The following RETREG1 variants were observed in gnomAD, a reference collection of about 807,000 sequenced individuals.
RETREG1 encodes reticulophagy regulator 1.
A neutral mutation model predicts 54.8 loss-of-function variants in RETREG1; 44 were observed. That is an observed-to-expected ratio of 0.80 (90% CI 0.63 to 1.03). The LOEUF is 1.03. RETREG1 is among the 50% of genes least tolerant of loss of function. RETREG1 has a pLI of 0.00. For missense variants in RETREG1, 554 were observed against 605.1 expected (o/e 0.92, Z 0.89); for synonymous variants, 217 against 238.5 (o/e 0.91, Z 0.83).
At chr5:16,592,782 C>G (rs1269950239) in intron 1 of RETREG1, among the ~76,000 whole-genome samples, 1 of 151,932 alleles carries the variant, frequency 6.6e-6, no homozygotes, top group African/African-American at 2.4e-5. Context: ...CCTTGGCAAA[C>G]TAACGCAGGA....
At chr5:16,503,678 AG>A (rs1230456527) in intron 3 of RETREG1, among the ~76,000 whole-genome samples, 2,235 of 103,240 alleles carry the variant, frequency 0.022, 54 homozygotes, top group African/African-American at 0.07. Context: ...AAAAAAAAAA[AG>A]AAAGAAAGAA....
intron 3 of RETREG1, among the ~76,000 whole-genome samples, chr5:16,550,275 TA>T (rs5866190): frequency 0.38 from 55,989 of 148,190 alleles, 10,577 homozygotes; most frequent in South Asian, 0.47. Context: ...CTTTAAAATT[TA>T]AAAAAAAAAA....
chr5:16,509,022 C>CT, intron 3 of RETREG1: 2 of 994,422 alleles, frequency 2.0e-6, no homozygotes, highest in Non-Finnish European at 2.4e-6. Context: ...CCCGCCTGCC[C>CT]TTTTTCTTCC....
At chr5:16,501,529 A>AT (rs144194229) in intron 3 of RETREG1, among the ~76,000 whole-genome samples, 40,192 of 151,920 alleles carry the variant, frequency 0.26, 5,624 homozygotes, top group Middle Eastern at 0.33. Flanking sequence ...ATTTTTATTT[A>AT]TTTTTTTATT....
chr5:16,565,964 C>T (rs1741996259), intron 2 of RETREG1, among the ~76,000 whole-genome samples, 171 bp from the exon 3 acceptor site: 2 of 152,202 alleles, frequency 1.3e-5, no homozygotes, highest in South Asian at 4.1e-4. Context: ...CTAATTCAGG[C>T]AATTCGTCCA....
chr5:16,587,448 C>G (rs1310323229), intron 1 of RETREG1, among the ~76,000 whole-genome samples: 1 of 152,200 alleles, frequency 6.6e-6, no homozygotes, highest in Non-Finnish European at 1.5e-5. Flanking sequence ...ATTTAAACAT[C>G]ATTTGTAGAG....
At chr5:16,600,605 G>A (rs1743027824) in intron 1 of RETREG1, among the ~76,000 whole-genome samples, 3 of 152,152 alleles carry the variant, frequency 2.0e-5, no homozygotes, top group Admixed American at 2.0e-4. Flanking sequence ...GCCCCCACAG[G>A]AGAGGTCAGC....
intron 1 of RETREG1, among the ~76,000 whole-genome samples, chr5:16,587,477 TA>T (rs1209337425): frequency 6.6e-6 from 1 of 152,190 alleles, no homozygotes. Context: ...CATCCTGCTT[TA>T]ATAAACCAAT....
intron 3 of RETREG1, among the ~76,000 whole-genome samples, chr5:16,557,421 T>C (rs1741739217): frequency 6.6e-6 from 1 of 152,248 alleles, no homozygotes; most frequent in African/African-American, 2.4e-5. Flanking sequence ...TTCATATTTG[T>C]CTTCAGTGGA....
intron 3 of RETREG1, among the ~76,000 whole-genome samples, chr5:16,490,727 G>T (rs1420608190): frequency 6.6e-6 from 1 of 152,164 alleles, no homozygotes; most frequent in Non-Finnish European, 1.5e-5. Context: ...GGGAAGTAAT[G>T]CATAGAACTG....
chr5:16,538,314 T>C (rs999477002), intron 3 of RETREG1, among the ~76,000 whole-genome samples: 6 of 152,206 alleles, frequency 3.9e-5, no homozygotes, highest in African/African-American at 1.2e-4. Context: ...GATTAGTCCT[T>C]GCTCCTGGCT....
At chr5:16,523,881 T>A (rs1417250583) in intron 3 of RETREG1, among the ~76,000 whole-genome samples, 4 of 152,208 alleles carry the variant, frequency 2.6e-5, no homozygotes, top group African/African-American at 7.2e-5. Flanking sequence ...GTGATTTTGA[T>A]GTTCACGTTT....
chr5:16,504,726 G>A (rs1159473182), intron 3 of RETREG1, among the ~76,000 whole-genome samples: 1 of 152,042 alleles, frequency 6.6e-6, no homozygotes, highest in Non-Finnish European at 1.5e-5. Flanking sequence ...CTCACTTCAC[G>A]GCTGTGTGAA....
At chr5:16,508,670 T>C in intron 3 of RETREG1, 1 of 1,612,970 alleles carries the variant, frequency 6.2e-7, no homozygotes, top group Non-Finnish European at 8.5e-7. Flanking sequence ...TAACCACGGC[T>C]AATGTGGCCA....
intron 1 of RETREG1, among the ~76,000 whole-genome samples, chr5:16,614,354 T>C (rs531948435): frequency 6.6e-6 from 1 of 152,058 alleles, no homozygotes; most frequent in Non-Finnish European, 1.5e-5. Context: ...CTTGAAAAAA[T>C]AGACAAAGGT....
chr5:16,602,108 C>T (rs534472144), intron 1 of RETREG1, among the ~76,000 whole-genome samples: 4 of 152,284 alleles, frequency 2.6e-5, no homozygotes, highest in Admixed American at 1.3e-4. Context: ...ACCTAGAGAA[C>T]GTGCTCTCCC....
chr5:16,564,264 T>C (rs899008333), intron 3 of RETREG1, among the ~76,000 whole-genome samples: 3 of 152,240 alleles, frequency 2.0e-5, no homozygotes, highest in Non-Finnish European at 4.4e-5. Context: ...GAACAAACTA[T>C]GTATGAAATT....
At chr5:16,564,681 C>T (rs1371024033) in intron 3 of RETREG1, among the ~76,000 whole-genome samples, 1 of 152,200 alleles carries the variant, frequency 6.6e-6, no homozygotes, top group Non-Finnish European at 1.5e-5. Flanking sequence ...GCCACCTCCA[C>T]GAGAAGCACC....
At chr5:16,503,953 C>A (rs2126555901) in intron 3 of RETREG1, among the ~76,000 whole-genome samples, 1 of 152,150 alleles carries the variant, frequency 6.6e-6, no homozygotes, top group East Asian at 1.9e-4. Context: ...AGGTTTGTTA[C>A]ATAGGTAAAG....
Sources: allele counts gnomAD v4.1 joint callset (sites outside exome capture counted in the v4.1 genomes callset), GRCh38; gene constraint gnomAD v4.1.1; transcripts MANE v1.5; gene names NCBI Gene and HGNC (gene_info 2026-07-23, HGNC 2026-07-21).